Variants in SPG11 observed in about 807,000 individuals in gnomAD.
The protein encoded by SPG11 is SPG11 vesicle trafficking associated, spatacsin.
A neutral mutation model predicts 274.0 loss-of-function variants in SPG11; 222 were observed. The ratio of observed to expected loss-of-function variants is 0.81; its 90% CI spans 0.73 to 0.91. The LOEUF is 0.91. Among genes scored for constraint, SPG11 ranks in the 40% least tolerant of loss-of-function variants. The pLI, the probability that SPG11 is intolerant of heterozygous loss-of-function variation, is 0.00. For synonymous variants in SPG11, 1,144 were observed against 1,039.7 expected (o/e 1.10, Z -1.93); for missense variants, 3,114 against 2,872.7 (o/e 1.08, Z -1.92).
At chr15:44,599,194 C>T (rs779194617) in intron 21 of SPG11, among the ~76,000 whole-genome samples, 2 of 152,094 alleles carry the variant, frequency 1.3e-5, no homozygotes, top group Non-Finnish European at 2.9e-5. Context: ...ATCAATGCCA[C>T]TTAAATGTAA....
chr15:44,606,003 A>G, intron 20 of SPG11, 22 bp downstream of exon 20: 2 of 1,603,320 alleles, frequency 1.2e-6, no homozygotes, highest in Non-Finnish European at 8.5e-7. Flanking sequence ...ACATGTCTCA[A>G]GAAGTACCCA....
At chr15:44,603,365 T>TACTA (rs2083243352) in intron 20 of SPG11, among the ~76,000 whole-genome samples, 1 of 152,206 alleles carries the variant, frequency 6.6e-6, no homozygotes, top group African/African-American at 2.4e-5. Context: ...GTGTTAGGAT[T>TACTA]ACAGGCATGA....
intron 7 of SPG11, among the ~76,000 whole-genome samples, chr15:44,638,810 A>C (rs1051369904): frequency 1.3e-5 from 2 of 152,148 alleles, no homozygotes; most frequent in African/African-American, 4.8e-5. Context: ...AGGCTGGCCA[A>C]CATGGGGAAA....
intron 20 of SPG11, chr15:44,604,112 T>C (rs751531002): frequency 2.3e-6 from 1 of 434,632 alleles, no homozygotes; most frequent in Non-Finnish European, 4.5e-6. Context: ...TACCTGCTCT[T>C]GTTTTCAAAG....
chr15:44,620,504 T>C (rs756389068), intron 14 of SPG11, 101 bp from the exon 15 acceptor site: 2 of 829,340 alleles, frequency 2.4e-6, no homozygotes, highest in Non-Finnish European at 3.8e-6. Context: ...TGGACATAGA[T>C]ATTTATACAA....
In SPG11 at chr15:44,573,620, A is replaced by AACACAC. The variant is rs2082472214; in HGVS notation, c.6131_6132insGTGTGT (p.Leu2044_Lys2045insCysVal). Reference sequence around the variant, plus strand: ...CGAGTTCAGCCACAGTATCTGGCTTAAGGCCCTGTGTGCTGATGAAGGCCT... The same window carrying AACACAC: ...CGAGTTCAGCCACAGTATCTGGCTTAACACACAGGCCCTGTGTGCTGATGAAGGCCT... On this transcript the variant is annotated inframe_insertion, in exon 32 of 40. Transcript: ENST00000261866. The AACACAC allele has an allele frequency of 5.0e-6, 8 of 1,614,200 alleles. No individual in the cohort carries two copies. The highest frequency in any genetic ancestry group is 6.8e-6 in the Non-Finnish European group (8 of 1,180,034).
chr15:44,649,523 C>A (rs2084702708), intron 6 of SPG11, among the ~76,000 whole-genome samples: 1 of 152,136 alleles, frequency 6.6e-6, no homozygotes, highest in South Asian at 2.1e-4. Flanking sequence ...TGAGCCACTG[C>A]ACCCACCAAG....
In SPG11 at chr15:44,598,789, AAGG is replaced by A; in HGVS notation, c.3731_3733del (p.Ser1244del). 6.2e-7 allele frequency: 1 copy of A among 1,614,214 alleles called. No homozygotes were observed. Among genetic ancestry groups the A allele is most frequent in the African/African-American group, 1.3e-5 (1 of 75,052 alleles). ...TGCAGCTCCTATTGAAGGTATGTGGAAGGAGGAGAGCCCTATAACATAGGCTTC... is the reference window on the plus strand; with the variant it reads ...TGCAGCTCCTATTGAAGGTATGTGGAAGGAGAGCCCTATAACATAGGCTTC... On this transcript the variant is annotated inframe_deletion, in exon 22 of 40. Transcript: ENST00000261866.
chr15:44,581,736 GAAGT>G (rs2082662816), intron 30 of SPG11, among the ~76,000 whole-genome samples: 1 of 152,026 alleles, frequency 6.6e-6, no homozygotes, highest in Non-Finnish European at 1.5e-5. Flanking sequence ...AATGTATGCA[GAAGT>G]AATAAAAGAC....
At chr15:44,605,336 A>G (rs566036925) in intron 20 of SPG11, among the ~76,000 whole-genome samples, 1 of 152,346 alleles carries the variant, frequency 6.6e-6, no homozygotes, top group South Asian at 2.1e-4. Context: ...ATTCGAACTT[A>G]TAAAACACAT....
chr15:44,646,116 A>T (rs2084601371), intron 7 of SPG11, among the ~76,000 whole-genome samples: 1 of 152,244 alleles, frequency 6.6e-6, no homozygotes, highest in Non-Finnish European at 1.5e-5. Context: ...TCAACCCAGC[A>T]ATCCCATTAT....
intron 14 of SPG11, chr15:44,621,496 A>G: frequency 2.3e-6 from 1 of 441,054 alleles, no homozygotes; most frequent in South Asian, 2.2e-5. Flanking sequence ...TTGAAAAAAC[A>G]GATTGTCACT....
chr15:44,657,097 G>T lies in SPG11; in HGVS notation c.867C>A (p.Phe289Leu), dbSNP rs756555962. Reference protein sequence around the residue: ...SAVALNLNLYFRQHPGHLLCE... With the variant: ...SAVALNLNLYLRQHPGHLLCE... ...AGAAACTGCAGTCATCTACATACCT[G>T]AAATACAAATTTAAGTTAAGAGCAA... Residue 289 changes from phenylalanine (F) to leucine (L), a missense_variant and splice_region_variant, in exon 4 of 40, where the codon TTC (phenylalanine) becomes TTA (leucine). Transcript: ENST00000261866. 3.1e-6 allele frequency: 5 copies of T among 1,613,598 alleles called. No individual in the cohort carries two copies. Among genetic ancestry groups the T allele is most frequent in the Non-Finnish European group, 4.2e-6 (5 of 1,179,714 alleles).
Position 44,601,841 on chromosome 15 carries a change from G to A in SPG11, c.3521-1209C>T, listed in dbSNP as rs558774803. On this transcript the variant is annotated intron_variant, in intron 20 of 39. Transcript: ENST00000261866. ...CCCAAAGTGCTGCGATTACAGGCATGAGCGTGAGCCACTGTGTCCAGCCAG... is the reference window on the plus strand; with the variant it reads ...CCCAAAGTGCTGCGATTACAGGCATAAGCGTGAGCCACTGTGTCCAGCCAG... Among the ~76,000 whole-genome samples the A allele has an allele frequency of 6.2e-4, 95 of 152,150 alleles. 3 individuals carry two copies. The South Asian group carries it at 0.019, about 31-fold the overall frequency.
In SPG11 at chr15:44,598,317, C is replaced by A. The variant is rs143804371; in HGVS notation, c.3949G>T (p.Val1317Phe). The A allele has an allele frequency of 6.2e-7, 1 of 1,614,100 alleles. No homozygotes were observed. The highest frequency in any genetic ancestry group is 1.3e-5 in the African/African-American group (1 of 75,060). ...TTCCATGTACCTTCTTCTAAGAGAA[C>A]AAGCAATTCTTCTGTGGTTGTCTTT... ...GEKTTTEELL[V>F]LLEEGTWNSI... The change falls in exon 23 of 40, where the codon GTT (valine) becomes TTT (phenylalanine). Residue 1317 changes from valine to phenylalanine, a missense_variant. By Grantham distance (50) the Val-to-Phe change is conservative. Transcript: ENST00000261866.
intron 20 of SPG11, among the ~76,000 whole-genome samples, chr15:44,600,884 T>C (rs2083168516): frequency 6.6e-6 from 1 of 152,196 alleles, no homozygotes; most frequent in Non-Finnish European, 1.5e-5. Context: ...CCGGGTACGG[T>C]GGCTCACGCC....
chr15:44,572,491 G>T, intron 33 of SPG11, 192 bp downstream of exon 33: 1 of 607,098 alleles, frequency 1.6e-6, no homozygotes, highest in Non-Finnish European at 2.9e-6. Flanking sequence ...TTTTAAATTT[G>T]GGGGTACTCA....
rs758705813 is a variant in SPG11 at position 44,651,480 on chromosome 15, G to A, written c.1456+11C>T. ...AGCAATGGATTTCAATCTAATACAA[G>A]ACAGTCTCACCTGTCAAAACAAAGC... is the stretch of plus-strand genomic sequence containing the variant. On this transcript the variant is annotated intron_variant, in intron 6 of 39. Transcript: ENST00000261866. 9.3e-6 allele frequency: 15 copies of A among 1,610,028 alleles called. No individual in the cohort carries two copies. Among genetic ancestry groups the A allele is most frequent in the Non-Finnish European group, 1.3e-5 (15 of 1,176,534 alleles).
chr15:44,585,430 C>CAAAAAAAAAAAAAAAAAAAA (rs67858533), intron 29 of SPG11, among the ~76,000 whole-genome samples: 1 of 97,294 alleles, frequency 1.0e-5, no homozygotes. Flanking sequence ...ACTAAAAATA[C>CAAAAAAAAAAAAAAAAAAAA]AAAAAAAAAA....
Sources: gnomAD v4.1 joint callset for allele counts (sites outside exome capture counted in the v4.1 genomes callset) on GRCh38, gnomAD v4.1.1 for gene constraint, MANE v1.5 for transcripts, NCBI Gene and HGNC (gene_info 2026-07-23, HGNC 2026-07-21) for gene names.